Variants in CNTN4 observed in about 807,000 individuals in gnomAD.
CNTN4 encodes the protein contactin 4.
CNTN4 carries 77 observed loss-of-function variants against 122.5 expected under a neutral mutation model. The ratio of observed to expected loss-of-function variants is 0.63; its 90% confidence interval spans 0.52 to 0.76. The LOEUF (loss-of-function observed/expected upper bound fraction) is 0.76, where lower values mean the gene tolerates loss of function less well. CNTN4 is among the 30% of genes least tolerant of loss of function. The pLI is 0.00. For synonymous variants in CNTN4, 512 were observed against 447.0 expected, an observed-to-expected ratio of 1.15 and a Z score of -1.83; for missense variants, 1,256 against 1,259.1, an observed-to-expected ratio of 1.00 and a Z score of 0.04.
chr3:2,160,006 C>G (rs953027085), intron 2 of CNTN4, among the ~76,000 whole-genome samples: 1 of 151,936 alleles, frequency 6.6e-6, no homozygotes, highest in Non-Finnish European at 1.5e-5. Flanking sequence ...TTTGTGTTTC[C>G]TCTCTGTCTT....
intron 3 of CNTN4, among the ~76,000 whole-genome samples, chr3:2,554,503 T>C (rs1322528681): frequency 6.6e-6 from 1 of 152,118 alleles, no homozygotes; most frequent in Non-Finnish European, 1.5e-5. Context: ...GATTTTGTTA[T>C]ACCCAGAGAA....
At chr3:2,465,840 C>CT (rs1246736083) in intron 3 of CNTN4, among the ~76,000 whole-genome samples, 1 of 152,094 alleles carries the variant, frequency 6.6e-6, no homozygotes, top group African/African-American at 2.4e-5. Flanking sequence ...ACATGAGGTG[C>CT]TATAGGTCTA....
intron 4 of CNTN4, among the ~76,000 whole-genome samples, chr3:2,670,645 G>A (rs564662757): frequency 6.6e-6 from 1 of 152,286 alleles, no homozygotes; most frequent in African/African-American, 2.4e-5. Context: ...TATGATGTTA[G>A]CTGGTTAGTT....
intron 13 of CNTN4, among the ~76,000 whole-genome samples, chr3:2,946,568 A>G (rs1300465135): frequency 1.3e-5 from 2 of 152,180 alleles, no homozygotes; most frequent in East Asian, 1.9e-4. Context: ...CAAGCACAGT[A>G]TATTAGCTGG....
At chr3:2,335,902 T>A (rs1011062644) in intron 2 of CNTN4, among the ~76,000 whole-genome samples, 1 of 152,106 alleles carries the variant, frequency 6.6e-6, no homozygotes, top group Non-Finnish European at 1.5e-5. Flanking sequence ...AGACTATACG[T>A]TGGATCCATT....
chr3:2,830,962 G>T (rs984755889), intron 7 of CNTN4, among the ~76,000 whole-genome samples: 2 of 152,156 alleles, frequency 1.3e-5, no homozygotes, highest in African/African-American at 2.4e-5. Context: ...GAAATCGAAG[G>T]CTCAGAAATG....
intron 3 of CNTN4, among the ~76,000 whole-genome samples, chr3:2,406,698 C>A (rs2047051212): frequency 1.3e-5 from 2 of 152,148 alleles, no homozygotes; most frequent in Admixed American, 1.3e-4. Context: ...CATTGTCCAT[C>A]TGTAAAGTTT....
At chr3:2,216,859 AC>A (rs1438001475) in intron 2 of CNTN4, among the ~76,000 whole-genome samples, 1 of 152,158 alleles carries the variant, frequency 6.6e-6, no homozygotes, top group African/African-American at 2.4e-5. Flanking sequence ...CTTTTCTTGA[AC>A]AGATATTGCC....
chr3:2,676,793 A>G (rs965375061), intron 4 of CNTN4, among the ~76,000 whole-genome samples: 2 of 152,252 alleles, frequency 1.3e-5, no homozygotes, highest in African/African-American at 4.8e-5. Flanking sequence ...CTTCAGAAAC[A>G]TATAAAAAGA....
At chr3:2,596,600 T>C (rs1420775171) in intron 4 of CNTN4, among the ~76,000 whole-genome samples, 1 of 152,186 alleles carries the variant, frequency 6.6e-6, no homozygotes, top group Non-Finnish European at 1.5e-5. Context: ...TTTTTTCATT[T>C]AATCTGCACA....
chr3:2,371,289 C>T (rs1302990870), intron 3 of CNTN4, among the ~76,000 whole-genome samples: 2 of 152,118 alleles, frequency 1.3e-5, no homozygotes, highest in Non-Finnish European at 2.9e-5. Flanking sequence ...CCATTCAACT[C>T]TTTCTTTTGT....
intron 3 of CNTN4, among the ~76,000 whole-genome samples, chr3:2,507,924 T>G (rs569317423): frequency 6.6e-6 from 1 of 152,200 alleles, no homozygotes; most frequent in African/African-American, 2.4e-5. Context: ...TAATAGTGAC[T>G]ACAAATTTCT....
At chr3:3,030,614 A>T (rs1483346928) in intron 15 of CNTN4, among the ~76,000 whole-genome samples, 1 of 152,190 alleles carries the variant, frequency 6.6e-6, no homozygotes, top group Admixed American at 6.5e-5. Context: ...ATGGGTGCCA[A>T]ACTGCTCCAG....
chr3:2,338,338 C>G (rs2044042485), intron 2 of CNTN4, among the ~76,000 whole-genome samples: 1 of 151,824 alleles, frequency 6.6e-6, no homozygotes, highest in Non-Finnish European at 1.5e-5. Context: ...TATGGCTAAT[C>G]AAGAAACTAT....
intron 4 of CNTN4, among the ~76,000 whole-genome samples, chr3:2,672,593 T>C (rs2084592997): frequency 6.6e-6 from 1 of 152,186 alleles, no homozygotes; most frequent in African/African-American, 2.4e-5. Context: ...CTGCTTCGGC[T>C]CACACTTGGT....
chr3:2,397,454 G>C (rs748012182), intron 3 of CNTN4, among the ~76,000 whole-genome samples: 2 of 150,308 alleles, frequency 1.3e-5, no homozygotes, highest in African/African-American at 2.4e-5. Flanking sequence ...ATTCTGTTCC[G>C]TTTTGTGAGC....
At chr3:2,190,085 C>G (rs1216583769) in intron 2 of CNTN4, among the ~76,000 whole-genome samples, 1 of 152,204 alleles carries the variant, frequency 6.6e-6, no homozygotes, top group Non-Finnish European at 1.5e-5. Context: ...GTTTGGGATT[C>G]TACCCCAGAG....
intron 3 of CNTN4, among the ~76,000 whole-genome samples, chr3:2,445,846 G>T (rs1281912251): frequency 1.3e-5 from 2 of 152,042 alleles, no homozygotes; most frequent in Non-Finnish European, 2.9e-5. Context: ...CTGACACTCC[G>T]GGATGCTGCT....
At chr3:2,729,313 C>G (rs1405602295) in intron 4 of CNTN4, among the ~76,000 whole-genome samples, 3 of 151,974 alleles carry the variant, frequency 2.0e-5, no homozygotes, top group Non-Finnish European at 2.9e-5. Flanking sequence ...GCCTGTAATC[C>G]TAGCACTTTG....
Sources: allele counts gnomAD v4.1 joint callset (sites outside exome capture counted in the v4.1 genomes callset), GRCh38; gene constraint gnomAD v4.1.1; transcripts MANE v1.5; gene names NCBI Gene and HGNC (gene_info 2026-07-23, HGNC 2026-07-21).